The following UTY variants were observed in gnomAD, a reference collection of about 807,000 sequenced individuals.
The protein encoded by UTY is histone demethylase UTY.
In UTY, 12 loss-of-function variants were observed where a neutral mutation model predicts 32.5. The observed-to-expected ratio is 0.37, with a 90% CI of 0.24 to 0.60. The LOEUF (loss-of-function observed/expected upper bound fraction) is 0.60, where lower values mean the gene tolerates loss of function less well. Among genes scored for constraint, UTY ranks in the 20% least tolerant of loss-of-function variants. The pLI is 0.69. For synonymous variants in UTY, 131 were observed against 103.4 expected (o/e 1.27, Z -1.62); for missense variants, 303 against 299.2 (o/e 1.01, Z -0.09).
chrY:13,358,403 T>A, intron 14 of UTY, 61 bp downstream of exon 14: 1 of 367,528 alleles, frequency 2.7e-6, no homozygotes, highest in Non-Finnish European at 3.7e-6. Context: ...CAGGCACAAT[T>A]TCAGAAGAGT....
At chrY:13,446,557 GATAGATAGAT>G (rs2075791304) in intron 4 of UTY, among the ~76,000 whole-genome samples, 2 of 4,269 alleles carry the variant, frequency 4.7e-4, no homozygotes, top group Non-Finnish European at 4.2e-4. Flanking sequence ...GTGTGAGATA[GATAGATAGAT>G]AGATAGATAG....
At chrY:13,318,139 AGC>A in intron 21 of UTY, among the ~76,000 whole-genome samples, 1 of 29,938 alleles carries the variant, frequency 3.3e-5, no homozygotes, top group South Asian at 7.5e-4. Context: ...CAGCCTGGAT[AGC>A]AGAGTGAAAC....
At chrY:13,432,041 T>A (rs1603461050) in intron 4 of UTY, among the ~76,000 whole-genome samples, 2 of 32,888 alleles carry the variant, frequency 6.1e-5, no homozygotes, top group Admixed American at 5.5e-4. Context: ...GCTCCAAAAA[T>A]AAAATACCTA....
intron 8 of UTY, among the ~76,000 whole-genome samples, chrY:13,390,363 TATG>T (rs2067413869): frequency 3.0e-5 from 1 of 33,318 alleles, no homozygotes; most frequent in Non-Finnish European, 7.4e-5. Context: ...CCCAATAGAG[TATG>T]ATGTTAACTA....
intron 28 of UTY, among the ~76,000 whole-genome samples, chrY:13,257,994 A>C: frequency 3.0e-5 from 1 of 33,539 alleles, no homozygotes; most frequent in Non-Finnish European, 7.4e-5. Context: ...ATAATGGCTG[A>C]CACAGAGAAC....
At chrY:13,328,850 C>T (rs201248110) in intron 18 of UTY, among the ~76,000 whole-genome samples, 2 of 32,998 alleles carry the variant, frequency 6.1e-5, no homozygotes, top group Admixed American at 5.6e-4. Context: ...TCTTTAAGAA[C>T]GCATTTTATT....
chrY:13,248,930 A>ATG lies in UTY; in HGVS notation c.*924_*925dup, dbSNP rs2053991957. 1 of 38,641 alleles carries ATG rather than the reference A, an allele frequency of 2.6e-5. No homozygotes were observed. Among genetic ancestry groups the ATG allele is most frequent in the African/African-American group, 1.1e-4 (1 of 8,883 alleles). The allele number at this position is 38,641 out of a possible 400,897, so 9.6% of individuals were successfully genotyped here. A position where few individuals can be genotyped will look rare whatever the true frequency, so the allele number is the denominator to read the frequency against. On this transcript the variant is annotated 3_prime_UTR_variant, in exon 30 of 30. Transcript: ENST00000545955. ...ATCGAGGTTTCTGTATATATTATAC[A>ATG]TGTGTGTACACATACACACACATAT...
chrY:13,317,826 G>T, intron 21 of UTY, among the ~76,000 whole-genome samples: 1 of 32,388 alleles, frequency 3.1e-5, no homozygotes, highest in African/African-American at 1.2e-4. Context: ...TTTTTAAAAA[G>T]GTGAACAATT....
chrY:13,266,385 C>T (rs746563203), intron 27 of UTY, among the ~76,000 whole-genome samples: 45 of 32,991 alleles, frequency 1.4e-3, no homozygotes, highest in South Asian at 8.0e-3. Context: ...TTTATTGCAT[C>T]TATCTGATTC....
At chrY:13,462,066 T>A (rs866765541) in intron 3 of UTY, among the ~76,000 whole-genome samples, 9 of 33,806 alleles carry the variant, frequency 2.7e-4, no homozygotes. Flanking sequence ...TACAAACTGG[T>A]ATGCAGAGTA....
chrY:13,387,230 G>A (rs1603448373), intron 8 of UTY, among the ~76,000 whole-genome samples: 1 of 31,990 alleles, frequency 3.1e-5, no homozygotes, highest in Non-Finnish European at 7.6e-5. Context: ...CATATAATTT[G>A]AATAAAGGAA....
chrY:13,312,244 T>C (rs2059169332), intron 21 of UTY, among the ~76,000 whole-genome samples: 1 of 30,982 alleles, frequency 3.2e-5, no homozygotes, highest in African/African-American at 1.3e-4. Context: ...ATACAAAAAA[T>C]TAGCCGGGCG....
chrY:13,305,343 C>T (rs1035759206), intron 24 of UTY, 56 bp downstream of exon 24: 43 of 347,417 alleles, frequency 1.2e-4, no homozygotes, highest in Middle Eastern at 8.2e-4. Context: ...ATGCCTGCTC[C>T]GCATGATAAA....
At chrY:13,469,064 T>C in intron 3 of UTY, among the ~76,000 whole-genome samples, 1 of 33,268 alleles carries the variant, frequency 3.0e-5, no homozygotes, top group Admixed American at 2.8e-4. Context: ...TATCCAAAAG[T>C]TATAAAATAT....
intron 4 of UTY, among the ~76,000 whole-genome samples, chrY:13,420,439 T>G (rs2072377108): frequency 3.0e-5 from 1 of 33,132 alleles, no homozygotes; most frequent in African/African-American, 1.2e-4. Flanking sequence ...TGGAACAGAA[T>G]AGCGAGCCCA....
chrY:13,286,871 T>C (rs2057408990), intron 27 of UTY: 2 of 371,411 alleles, frequency 5.4e-6, no homozygotes, highest in Non-Finnish European at 7.7e-6. Context: ...ACATTGGTTG[T>C]GTTATGACCG....
At chrY:13,283,117 T>C (rs2057130259) in intron 27 of UTY, among the ~76,000 whole-genome samples, 5 of 34,565 alleles carry the variant, frequency 1.4e-4, no homozygotes, top group Non-Finnish European at 3.6e-4. Context: ...ATTAGCACTT[T>C]TGTTCCGGTT....
chrY:13,399,388 GAA>G (rs2068668818), intron 6 of UTY, among the ~76,000 whole-genome samples: 1 of 33,114 alleles, frequency 3.0e-5, no homozygotes, highest in Non-Finnish European at 7.5e-5. Context: ...GTACTTGCAG[GAA>G]AAGAGAATGG....
At chrY:13,405,068 T>C (rs2069680800) in intron 6 of UTY, among the ~76,000 whole-genome samples, 66 of 32,459 alleles carry the variant, frequency 2.0e-3, no homozygotes. Context: ...TGTACATATG[T>C]GTGTGTGTGT....
Sources: gnomAD v4.1 joint callset for allele counts (sites outside exome capture counted in the v4.1 genomes callset) on GRCh38, gnomAD v4.1.1 for gene constraint, MANE v1.5 for transcripts, NCBI Gene and HGNC (gene_info 2026-07-23, HGNC 2026-07-21) for gene names.